TENM3: variants seen among roughly 807,000 people sequenced by gnomAD.
TENM3 encodes the protein teneurin transmembrane protein 3.
TENM3 carries 63 observed loss-of-function variants against 255.1 expected under a neutral mutation model. The ratio of observed to expected loss-of-function variants is 0.25; its 90% CI spans 0.20 to 0.30. The LOEUF (loss-of-function observed/expected upper bound fraction) is 0.30, where lower values mean the gene tolerates loss of function less well. Ranked by LOEUF, TENM3 falls within the 10% of genes least tolerant of loss-of-function variation. TENM3 has a pLI of 1.00. For missense variants in TENM3, 2,929 were observed against 3,461.1 expected (o/e 0.85, Z 3.86); for synonymous variants, 1,306 against 1,322.3 (o/e 0.99, Z 0.27).
At chr4:182,392,608 T>TG (rs1346778708) in intron 3 of TENM3, among the ~76,000 whole-genome samples, 1 of 151,940 alleles carries the variant, frequency 6.6e-6, no homozygotes, top group Non-Finnish European at 1.5e-5. Flanking sequence ...ATTGCCCATG[T>TG]GGGGAGCGCT....
the TENM3 span, among the ~76,000 whole-genome samples, chr4:181,509,330 G>A: frequency 6.6e-6 from 1 of 151,840 alleles, no homozygotes; most frequent in African/African-American, 2.4e-5. Flanking sequence ...TGAAATGAAT[G>A]TTTTCTTGGA....
chr4:182,326,681 C>T (rs1469035679), intron 2 of TENM3, among the ~76,000 whole-genome samples: 1 of 151,754 alleles, frequency 6.6e-6, no homozygotes, highest in African/African-American at 2.4e-5. Context: ...ATCACAAGTG[C>T]ACACCACCAC....
chr4:182,688,518 CA>C (rs1202097621), intron 12 of TENM3, among the ~76,000 whole-genome samples, 167 bp downstream of exon 12: 1 of 152,140 alleles, frequency 6.6e-6, no homozygotes, highest in African/African-American at 2.4e-5. Flanking sequence ...AATGGCAATT[CA>C]GTTCTTTTTA....
At chr4:182,772,843 T>C (rs1390262746) in intron 22 of TENM3, among the ~76,000 whole-genome samples, 1 of 152,226 alleles carries the variant, frequency 6.6e-6, no homozygotes, top group Non-Finnish European at 1.5e-5. Flanking sequence ...ATGCAAGATA[T>C]TCCCCATTCT....
At chr4:181,744,290 C>A in the TENM3 span, among the ~76,000 whole-genome samples, 1 of 152,112 alleles carries the variant, frequency 6.6e-6, no homozygotes, top group South Asian at 2.1e-4. Flanking sequence ...AACATACCCA[C>A]ACATGTATCT....
intron 1 of TENM3, among the ~76,000 whole-genome samples, chr4:182,158,581 A>G (rs1184966653): frequency 6.6e-6 from 1 of 152,186 alleles, no homozygotes; most frequent in Non-Finnish European, 1.5e-5. Context: ...GCTTTAAAGC[A>G]GAAACCTAGG....
At chr4:181,810,445 G>C in the TENM3 span, among the ~76,000 whole-genome samples, 1 of 151,920 alleles carries the variant, frequency 6.6e-6, no homozygotes. Flanking sequence ...AAAATTATTA[G>C]ATTTCTCATT....
At chr4:181,985,590 T>G in the TENM3 span, among the ~76,000 whole-genome samples, 5 of 152,280 alleles carry the variant, frequency 3.3e-5, no homozygotes, top group East Asian at 9.7e-4. Flanking sequence ...TTTTAATTTC[T>G]GCATTAGCTG....
the TENM3 span, among the ~76,000 whole-genome samples, chr4:181,493,621 C>A: frequency 6.6e-6 from 1 of 151,986 alleles, no homozygotes; most frequent in Non-Finnish European, 1.5e-5. Flanking sequence ...GTGGTGCATG[C>A]CTGTAACCTC....
At chr4:182,312,830 T>G (rs1762532626) in intron 1 of TENM3, among the ~76,000 whole-genome samples, 1 of 152,210 alleles carries the variant, frequency 6.6e-6, no homozygotes, top group Non-Finnish European at 1.5e-5. Flanking sequence ...AAAGCTGCAT[T>G]TGGCTCAGCT....
chr4:181,524,768 G>A, the TENM3 span, among the ~76,000 whole-genome samples: 2 of 152,024 alleles, frequency 1.3e-5, no homozygotes, highest in Non-Finnish European at 2.9e-5. Flanking sequence ...CCAGGTAGGG[G>A]GTAAAGAGTA....
At chr4:181,481,686 C>T in the TENM3 span, among the ~76,000 whole-genome samples, 3 of 152,244 alleles carry the variant, frequency 2.0e-5, no homozygotes, top group East Asian at 3.9e-4. Context: ...TTCTCTCTTC[C>T]AGCAGTTTGG....
the TENM3 span, among the ~76,000 whole-genome samples, chr4:181,596,753 A>T: frequency 6.6e-6 from 1 of 152,264 alleles, no homozygotes; most frequent in African/African-American, 2.4e-5. Context: ...ATGCAGCCAT[A>T]AAAAAGAATG....
the TENM3 span, among the ~76,000 whole-genome samples, chr4:181,682,442 G>C: frequency 2.9e-3 from 447 of 152,282 alleles, 5 homozygotes; most frequent in Non-Finnish European, 5.9e-4. Context: ...TTGACTGACT[G>C]ATTGTTAAAA....
chr4:181,522,609 T>C, the TENM3 span: 11 of 490,324 alleles, frequency 2.2e-5, no homozygotes, highest in South Asian at 1.8e-4. Flanking sequence ...AAATCCAGCA[T>C]CTATTCTTCT....
chr4:182,738,535 G>A lies in TENM3; in HGVS notation c.3370G>A (p.Val1124Ile). ...ATTAGATAAACATCACGTGCTGGAT[G>A]TACAGAACGGTAAGCTCTTGTTCAT... The part of the protein sequence containing the change: ...WTLDKHHVLD[V>I]QNGILYKGNG... The change falls in exon 18 of 28, where the codon GTA becomes ATA. Residue 1124 changes from valine to isoleucine, a missense_variant. Transcript: ENST00000511685. 3.7e-6 allele frequency: 6 copies of A among 1,610,738 alleles called. No individual in the cohort carries two copies. Among genetic ancestry groups the A allele is most frequent in the Non-Finnish European group, 5.1e-6 (6 of 1,178,480 alleles).
At chr4:181,888,494 G>GTGTATATATATATATATA in the TENM3 span, among the ~76,000 whole-genome samples, 1 of 28,242 alleles carries the variant, frequency 3.5e-5, no homozygotes, top group African/African-American at 1.7e-4. Flanking sequence ...ATAGAAATGT[G>GTGTATATATATATATATA]TATATATATA....
At chr4:182,471,123 T>G (rs1733083202) in intron 3 of TENM3, among the ~76,000 whole-genome samples, 1 of 152,100 alleles carries the variant, frequency 6.6e-6, no homozygotes, top group Non-Finnish European at 1.5e-5. Flanking sequence ...GAGAGGAAAA[T>G]AAAGATAATC....
chr4:181,635,309 G>C, the TENM3 span, among the ~76,000 whole-genome samples: 3 of 152,216 alleles, frequency 2.0e-5, no homozygotes, highest in Admixed American at 1.3e-4. Context: ...TTACTCTGCA[G>C]TGAAAATAAA....
Sources: gnomAD v4.1 joint callset for allele counts (sites outside exome capture counted in the v4.1 genomes callset) on GRCh38, gnomAD v4.1.1 for gene constraint, MANE v1.5 for transcripts, NCBI Gene and HGNC (gene_info 2026-07-23, HGNC 2026-07-21) for gene names.